Variants in MYH11 observed in about 807,000 individuals in gnomAD.
The protein encoded by MYH11 is myosin-11.
In MYH11, 80 loss-of-function variants were observed where a neutral mutation model predicts 246.6. The observed-to-expected ratio is 0.32, with a 90% CI of 0.27 to 0.39. MYH11 has a LOEUF of 0.39. Among genes scored for constraint, MYH11 ranks in the 10% least tolerant of loss-of-function variants. The pLI is 1.00. For missense variants in MYH11, 2,158 were observed against 2,546.8 expected, an observed-to-expected ratio of 0.85 and a Z score of 3.29; for synonymous variants, 1,071 against 1,015.5, an observed-to-expected ratio of 1.05 and a Z score of -1.04.
rs2041228951 is a variant in MYH11, at chr16:15,740,059, G to C, written c.2989C>G (p.Leu997Val). 1.1e-5 allele frequency: 17 copies of C among 1,614,124 alleles called. No individual in the cohort carries two copies. The highest frequency in any genetic ancestry group is 1.4e-5 in the Non-Finnish European group (17 of 1,180,006). ...ACCCGGCCCCTACTCACTTTTGATA[G>C]TTTATTGTTCTGATCATCCATGACC... is the stretch of plus-strand genomic sequence containing the variant. ...ILVMDDQNNK[L>V]SKERKLLEER... The change falls in exon 23 of 41, where the codon CTA becomes GTA. Residue 997 changes from leucine (L) to valine (V), a missense_variant. Coordinates refer to ENST00000300036, the MANE Select transcript of MYH11 (RefSeq NM_002474.3).
intron 3 of MYH11, among the ~76,000 whole-genome samples, chr16:15,817,384 C>T (rs2043287624): frequency 6.6e-6 from 1 of 151,942 alleles, no homozygotes; most frequent in Non-Finnish European, 1.5e-5. Flanking sequence ...CCCAGCTACT[C>T]AGGAGGCTGA....
chr16:15,719,380 C>T (rs1220775280), intron 35 of MYH11, 72 bp from the exon 36 acceptor site: 2 of 1,535,232 alleles, frequency 1.3e-6, no homozygotes, highest in South Asian at 1.1e-5. Context: ...ACCCTGACAA[C>T]TCAGCCACCC....
chr16:15,789,215 C>T (rs907307394), intron 4 of MYH11, among the ~76,000 whole-genome samples: 4 of 152,118 alleles, frequency 2.6e-5, no homozygotes, highest in African/African-American at 7.2e-5. Flanking sequence ...ATTCCTTTTA[C>T]TACATTTCAC....
intron 8 of MYH11, chr16:15,775,832 G>A (rs1596817984): frequency 1.7e-6 from 1 of 579,272 alleles, no homozygotes; most frequent in Middle Eastern, 4.4e-4. Flanking sequence ...AATCATTAAT[G>A]ATCTAATGTC....
chr16:15,781,704 T>C (rs919621742), intron 6 of MYH11, among the ~76,000 whole-genome samples: 4 of 152,214 alleles, frequency 2.6e-5, no homozygotes, highest in African/African-American at 4.8e-5. Flanking sequence ...GGGAAGGTAG[T>C]ACCCCCTGCC....
chr16:15,709,384 T>TGCTCACTGCAACCTCCACC (rs2039652621), intron 40 of MYH11, among the ~76,000 whole-genome samples: 1 of 149,534 alleles, frequency 6.7e-6, no homozygotes, highest in Non-Finnish European at 1.5e-5. Context: ...GATCTATCTC[T>TGCTCACTGCAACCTCCACC]GCTCACTGCA....
At chr16:15,843,160 A>G (rs2044099471) in intron 1 of MYH11, among the ~76,000 whole-genome samples, 1 of 151,492 alleles carries the variant, frequency 6.6e-6, no homozygotes, top group South Asian at 2.1e-4. Context: ...ACCTGAGGTC[A>G]AGAGTTTGAG....
In MYH11 at chr16:15,759,796, T is replaced by C. The variant is rs1293684679; in HGVS notation, c.1249-68A>G. ...TCCATTTTCACATAAGCCAGGCTGG[T>C]GGTGAAGATTTTTATTCTTGGCCGG... On this transcript the variant is annotated intron_variant, in intron 11 of 40. Coordinates refer to ENST00000300036, the MANE Select transcript of MYH11 (RefSeq NM_002474.3). 5 of 1,592,102 alleles carry C rather than the reference T, an allele frequency of 3.1e-6. No homozygotes were observed. In the East Asian group the frequency reaches 9.1e-5, roughly 29 times the overall value.
intron 27 of MYH11, among the ~76,000 whole-genome samples, chr16:15,728,769 A>C (rs1359125463): frequency 6.6e-6 from 1 of 152,040 alleles, no homozygotes; most frequent in African/African-American, 2.4e-5. Context: ...GCATGGTGGC[A>C]GTCACCTGTA....
intron 3 of MYH11, among the ~76,000 whole-genome samples, chr16:15,813,839 G>A (rs11644866): frequency 0.026 from 3,776 of 146,056 alleles, 67 homozygotes; most frequent in Non-Finnish European, 0.038. Context: ...ACACAAAAGA[G>A]GGGGGAAAAG....
chr16:15,827,782 C>A (rs1292226191), intron 2 of MYH11, among the ~76,000 whole-genome samples: 1 of 152,212 alleles, frequency 6.6e-6, no homozygotes, highest in Non-Finnish European at 1.5e-5. Context: ...GACCTGGGGG[C>A]CTTGCACGGC....
At chr16:15,740,939 G>C (rs1265020478) in intron 22 of MYH11, among the ~76,000 whole-genome samples, 2 of 152,152 alleles carry the variant, frequency 1.3e-5, no homozygotes, top group Non-Finnish European at 2.9e-5. Flanking sequence ...CACTCAAGCA[G>C]CCCTGAGGGG....
intron 8 of MYH11, among the ~76,000 whole-genome samples, chr16:15,772,381 C>T (rs1017461556): frequency 6.6e-6 from 1 of 152,014 alleles, no homozygotes; most frequent in East Asian, 1.9e-4. Context: ...CGTGAGCCAC[C>T]GCACCTGGCC....
intron 7 of MYH11, among the ~76,000 whole-genome samples, chr16:15,776,994 A>G (rs2042235882): frequency 6.6e-6 from 1 of 152,122 alleles, no homozygotes; most frequent in African/African-American, 2.4e-5. Context: ...TGTCTTCTTC[A>G]AGTCCTAAAG....
chr16:15,845,191 G>A (rs1301924682), intron 1 of MYH11, among the ~76,000 whole-genome samples: 2 of 152,138 alleles, frequency 1.3e-5, no homozygotes, highest in Non-Finnish European at 2.9e-5. Flanking sequence ...TCTACACCAA[G>A]CTTGTCTAAC....
intron 3 of MYH11, among the ~76,000 whole-genome samples, chr16:15,821,561 C>G (rs950923981): frequency 6.6e-6 from 1 of 152,068 alleles, no homozygotes; most frequent in Non-Finnish European, 1.5e-5. Flanking sequence ...CCTTTGCTAA[C>G]AGAATTTTCT....
intron 27 of MYH11, among the ~76,000 whole-genome samples, chr16:15,731,781 C>T (rs2040968666): frequency 6.6e-6 from 1 of 151,840 alleles, no homozygotes; most frequent in African/African-American, 2.4e-5. Flanking sequence ...CATGGTGAGC[C>T]ACCGTGCCCA....
At chr16:15,808,406 T>C (rs1186221246) in intron 3 of MYH11, among the ~76,000 whole-genome samples, 1 of 151,920 alleles carries the variant, frequency 6.6e-6, no homozygotes, top group Non-Finnish European at 1.5e-5. Context: ...AGCTGGGAGG[T>C]GAACCCAGCT....
chr16:15,793,354 T>C (rs1247888650), intron 4 of MYH11, among the ~76,000 whole-genome samples: 1 of 151,780 alleles, frequency 6.6e-6, no homozygotes, highest in African/African-American at 2.4e-5. Flanking sequence ...GGTGCAGTGG[T>C]GCCATCATAG....
Sources: allele counts gnomAD v4.1 joint callset (sites outside exome capture counted in the v4.1 genomes callset), GRCh38; gene constraint gnomAD v4.1.1; transcripts MANE v1.5; gene names NCBI Gene and HGNC (gene_info 2026-07-23, HGNC 2026-07-21).